Variants in NHEJ1 observed in about 807,000 individuals in gnomAD.
NHEJ1 encodes the protein non-homologous end joining factor 1.
Under a neutral mutation model 39.4 loss-of-function variants are expected in NHEJ1, and 22 were observed. That is an observed-to-expected ratio of 0.56 (90% CI 0.40 to 0.80). The LOEUF is 0.80. NHEJ1 is among the 30% of genes least tolerant of loss of function. The probability of loss-of-function intolerance (pLI) is 0.00; values close to 1 mark genes in which losing one functional copy is unlikely to be tolerated. For synonymous variants in NHEJ1, 154 were observed against 135.6 expected, an observed-to-expected ratio of 1.14 and a Z score of -0.94; for missense variants, 329 against 357.1, an observed-to-expected ratio of 0.92 and a Z score of 0.63.
chr2:219,159,540 T>TATATATATGCATATATATATGC (rs1369375338), intron 1 of NHEJ1, among the ~76,000 whole-genome samples: 473 of 32,966 alleles, frequency 0.014, 28 homozygotes, highest in African/African-American at 0.057. Context: ...TATATATGCA[T>TATATATATGCATATATATATGC]ATATATATAT....
intron 5 of NHEJ1, among the ~76,000 whole-genome samples, chr2:219,088,764 A>C (rs1949134500): frequency 6.6e-6 from 1 of 152,076 alleles, no homozygotes; most frequent in African/African-American, 2.4e-5. Flanking sequence ...CAAGCTGTAC[A>C]CTTCTGATAT....
chr2:219,137,570 C>CAAAAAAAAAA (rs58279021), intron 5 of NHEJ1, among the ~76,000 whole-genome samples: 44 of 34,704 alleles, frequency 1.3e-3, no homozygotes, highest in East Asian at 5.9e-3. Flanking sequence ...GTGTTACAGG[C>CAAAAAAAAAA]AAAAAAAAAA....
At chr2:219,137,803 C>T (rs142017043) in intron 5 of NHEJ1, among the ~76,000 whole-genome samples, 2 of 152,246 alleles carry the variant, frequency 1.3e-5, no homozygotes, top group African/African-American at 4.8e-5. Context: ...TAAATCAAAG[C>T]CCAGTTCACG....
chr2:219,133,079 GCA>G (rs1949594041), intron 5 of NHEJ1, among the ~76,000 whole-genome samples: 1 of 152,168 alleles, frequency 6.6e-6, no homozygotes, highest in African/African-American at 2.4e-5. Flanking sequence ...GGACCTTCTG[GCA>G]ATTTCTCCCT....
chr2:219,079,106 T>C (rs41398145), intron 5 of NHEJ1, among the ~76,000 whole-genome samples: 1 of 152,216 alleles, frequency 6.6e-6, no homozygotes, highest in African/African-American at 2.4e-5. Flanking sequence ...TGTAGTTTCA[T>C]ACACTTGGCT....
intron 3 of NHEJ1, 47 bp from the exon 4 acceptor site, chr2:219,147,842 C>T: frequency 6.2e-7 from 1 of 1,602,456 alleles, no homozygotes; most frequent in Non-Finnish European, 8.5e-7. Context: ...TTATAAAGTA[C>T]TTTCCAATTC....
At chr2:219,134,222 G>A (rs969431088) in intron 5 of NHEJ1, among the ~76,000 whole-genome samples, 2 of 152,148 alleles carry the variant, frequency 1.3e-5, no homozygotes, top group Admixed American at 6.5e-5. Context: ...CATGACTGTG[G>A]CCACCCTTGG....
chr2:219,151,877 AG>A (rs1167681425), intron 3 of NHEJ1, among the ~76,000 whole-genome samples: 9 of 152,180 alleles, frequency 5.9e-5, no homozygotes, highest in African/African-American at 2.2e-4. Flanking sequence ...CTGAGGCACA[AG>A]AATCACTTGA....
At chr2:219,149,589 C>T (rs1292203786) in intron 3 of NHEJ1, among the ~76,000 whole-genome samples, 1 of 152,124 alleles carries the variant, frequency 6.6e-6, no homozygotes, top group African/African-American at 2.4e-5. Flanking sequence ...ACACTCCAGC[C>T]TGGGTGACAG....
chr2:219,119,345 CT>C (rs1394267748), intron 5 of NHEJ1, among the ~76,000 whole-genome samples: 1 of 152,196 alleles, frequency 6.6e-6, no homozygotes. Context: ...CTAAAGGAGT[CT>C]TGCCAGGGAC....
intron 5 of NHEJ1, among the ~76,000 whole-genome samples, chr2:219,139,155 T>G (rs949659213): frequency 1.3e-4 from 20 of 152,112 alleles, no homozygotes; most frequent in African/African-American, 4.8e-4. Context: ...TGGTGTGATC[T>G]CAGCTCACTG....
At chr2:219,077,212 C>A in intron 7 of NHEJ1, 34 bp downstream of exon 7, 1 of 1,535,616 alleles carries the variant, frequency 6.5e-7, no homozygotes, top group South Asian at 1.1e-5. Flanking sequence ...TGCCAACTCT[C>A]AGAACACCAT....
At chr2:219,141,938 C>T (rs1949695670) in intron 5 of NHEJ1, among the ~76,000 whole-genome samples, 1 of 152,062 alleles carries the variant, frequency 6.6e-6, no homozygotes, top group Non-Finnish European at 1.5e-5. Flanking sequence ...AAAGCATTGC[C>T]CATCTTCCCC....
At chr2:219,151,668 T>C (rs1359650785) in intron 3 of NHEJ1, among the ~76,000 whole-genome samples, 4 of 152,186 alleles carry the variant, frequency 2.6e-5, no homozygotes, top group African/African-American at 7.2e-5. Context: ...TTTGAAAATA[T>C]GTGTTAATGG....
chr2:219,153,335 C>T (rs989803580), intron 3 of NHEJ1, among the ~76,000 whole-genome samples: 32 of 152,146 alleles, frequency 2.1e-4, no homozygotes, highest in African/African-American at 7.2e-4. Context: ...GTTACAAATT[C>T]GAGTCTGCTG....
intron 5 of NHEJ1, among the ~76,000 whole-genome samples, chr2:219,128,312 G>C (rs1949543551): frequency 6.6e-6 from 1 of 152,178 alleles, no homozygotes; most frequent in Non-Finnish European, 1.5e-5. Flanking sequence ...TATTGAACTT[G>C]TATGGTAAGT....
At chr2:219,115,386 C>T (rs1258900316) in intron 5 of NHEJ1, among the ~76,000 whole-genome samples, 1 of 152,052 alleles carries the variant, frequency 6.6e-6, no homozygotes, top group African/African-American at 2.4e-5. Flanking sequence ...GAGCCATCCA[C>T]TTGAAAGCTA....
intron 3 of NHEJ1, among the ~76,000 whole-genome samples, chr2:219,150,349 C>A (rs1949783331): frequency 6.6e-6 from 1 of 152,214 alleles, no homozygotes; most frequent in African/African-American, 2.4e-5. Flanking sequence ...GCTATAGATA[C>A]TAGAGTCTTC....
At chr2:219,109,665 G>GGGA (rs1949345771) in intron 5 of NHEJ1, among the ~76,000 whole-genome samples, 1 of 152,168 alleles carries the variant, frequency 6.6e-6, no homozygotes, top group Admixed American at 6.5e-5. Context: ...TAAAGGAAAG[G>GGGA]GGAGGGGCAA....
Sources: allele counts gnomAD v4.1 joint callset (sites outside exome capture counted in the v4.1 genomes callset), GRCh38; gene constraint gnomAD v4.1.1; transcripts MANE v1.5; gene names NCBI Gene and HGNC (gene_info 2026-07-23, HGNC 2026-07-21).